Variants in SORBS2 observed in about 807,000 individuals in gnomAD.
SORBS2 encodes the protein sorbin and SH3 domain-containing protein 2.
Under a neutral mutation model 97.7 loss-of-function variants are expected in SORBS2, and 46 were observed. The observed-to-expected ratio is 0.47, with a 90% CI of 0.37 to 0.60. The LOEUF (loss-of-function observed/expected upper bound fraction) is 0.60. Among genes scored for constraint, SORBS2 ranks in the 20% least tolerant of loss-of-function variants. SORBS2 has a pLI of 0.00. For synonymous variants in SORBS2, 476 were observed against 473.4 expected, an observed-to-expected ratio of 1.01 and a Z score of -0.07; for missense variants, 1,316 against 1,282.3, an observed-to-expected ratio of 1.03 and a Z score of -0.40.
intron 4 of SORBS2, among the ~76,000 whole-genome samples, chr4:185,644,557 C>T (rs988920961): frequency 6.6e-6 from 1 of 152,170 alleles, no homozygotes; most frequent in Non-Finnish European, 1.5e-5. Context: ...TATGCCTGGG[C>T]TCAACTCCTA....
At chr4:185,760,710 CAAATACGA>C (rs942883047) in intron 2 of SORBS2, among the ~76,000 whole-genome samples, 1 of 152,250 alleles carries the variant, frequency 6.6e-6, no homozygotes, top group Non-Finnish European at 1.5e-5. Flanking sequence ...CTGCCTTTCA[CAAATACGA>C]GTTCATGAAC....
intron 2 of SORBS2, among the ~76,000 whole-genome samples, chr4:185,765,453 G>A (rs1198771160): frequency 1.3e-5 from 2 of 152,102 alleles, no homozygotes; most frequent in Non-Finnish European, 2.9e-5. Context: ...GGACACAAAT[G>A]ATTTTTAACA....
exon 10 of SORBS2, chr4:185,615,073 A>T: frequency 3.7e-6 from 6 of 1,613,616 alleles, no homozygotes; most frequent in Non-Finnish European, 4.2e-6. Context: ...GAAGATGCCC[A>T]CTCTCCCGTG....
intron 2 of SORBS2, among the ~76,000 whole-genome samples, chr4:185,758,811 C>T (rs1458183294): frequency 1.3e-5 from 2 of 152,234 alleles, no homozygotes; most frequent in East Asian, 3.8e-4. Flanking sequence ...GAGGCAGTGC[C>T]TTCTGCCCCC....
chr4:185,930,774 A>T (rs2099266036), intron 1 of SORBS2, among the ~76,000 whole-genome samples: 1 of 152,232 alleles, frequency 6.6e-6, no homozygotes, highest in Non-Finnish European at 1.5e-5. Context: ...CATAGTTTCT[A>T]TATTCTTCTT....
intron 1 of SORBS2, among the ~76,000 whole-genome samples, chr4:185,780,171 A>G (rs10866280): frequency 0.77 from 117,541 of 151,688 alleles, 45,704 homozygotes; most frequent in East Asian, 0.95. Flanking sequence ...ATGCATCACC[A>G]CACCCGGTTA....
intron 12 of SORBS2, among the ~76,000 whole-genome samples, chr4:185,601,022 C>G (rs1021429885): frequency 3.9e-5 from 6 of 152,074 alleles, no homozygotes; most frequent in African/African-American, 1.4e-4. Context: ...AGTGTACTGC[C>G]TGGTATTTGA....
At chr4:185,845,134 C>G (rs550128417) in intron 1 of SORBS2, among the ~76,000 whole-genome samples, 28 of 151,786 alleles carry the variant, frequency 1.8e-4, no homozygotes, top group African/African-American at 6.8e-4. Flanking sequence ...CACCTCAGCC[C>G]CCCTAGTACC....
chr4:185,908,352 C>CACAA (rs2099252816), intron 1 of SORBS2, among the ~76,000 whole-genome samples: 10 of 103,274 alleles, frequency 9.7e-5, no homozygotes, highest in African/African-American at 4.6e-4. Context: ...TATATATACA[C>CACAA]ATATATATAC....
intron 2 of SORBS2, among the ~76,000 whole-genome samples, chr4:185,692,219 C>T (rs942896249): frequency 6.6e-6 from 1 of 152,210 alleles, no homozygotes; most frequent in Non-Finnish European, 1.5e-5. Context: ...GGCCTTTGCT[C>T]CTGAGTGGGC....
chr4:185,803,957 C>G (rs2099142326), intron 1 of SORBS2, among the ~76,000 whole-genome samples: 1 of 152,094 alleles, frequency 6.6e-6, no homozygotes, highest in African/African-American at 2.4e-5. Context: ...TCAGACATAA[C>G]TCATATGTAG....
At chr4:185,938,360 A>T (rs2099270061) in intron 1 of SORBS2, among the ~76,000 whole-genome samples, 1 of 149,272 alleles carries the variant, frequency 6.7e-6, no homozygotes, top group Non-Finnish European at 1.5e-5. Flanking sequence ...GGAACCTAGG[A>T]TCCTCTCACC....
At chr4:185,656,755 C>A in exon 1 of SORBS2, 2 of 1,524,286 alleles carry the variant, frequency 1.3e-6, no homozygotes, top group East Asian at 2.5e-5. Context: ...CTGCGTTTTG[C>A]CGGAAGGGGC....
chr4:185,614,106 T>G (rs965697557), intron 11 of SORBS2, among the ~76,000 whole-genome samples: 2 of 151,942 alleles, frequency 1.3e-5, no homozygotes, highest in Non-Finnish European at 2.9e-5. Flanking sequence ...TCATTTATCA[T>G]TCTCAATTAT....
At chr4:185,612,485 A>G (rs115405292) in intron 11 of SORBS2, among the ~76,000 whole-genome samples, 1 of 142,344 alleles carries the variant, frequency 7.0e-6, no homozygotes, top group Non-Finnish European at 1.5e-5. Flanking sequence ...TTCTTTTTTT[A>G]TTTCTATTTT....
intron 4 of SORBS2, chr4:185,645,446 T>C (rs2097192642): frequency 6.6e-6 from 1 of 152,168 alleles, no homozygotes. Flanking sequence ...CTCTAAAAGA[T>C]ATGAGTTATT....
At chr4:185,878,469 T>C (rs2149766734) in intron 1 of SORBS2, among the ~76,000 whole-genome samples, 1 of 152,300 alleles carries the variant, frequency 6.6e-6, no homozygotes, top group Admixed American at 6.5e-5. Context: ...TACCAATTTA[T>C]TGAGTCAGAA....
At position 185,736,600 on chromosome 4, in the gene SORBS2, C is replaced by T. The variant is rs139010738; in HGVS notation, c.-198+38627G>A. On this transcript the variant is annotated intron_variant, in intron 2 of 20. Coordinates refer to the SORBS2 transcript ENST00000284776. ...TCCTAAATGAAACCAGTGCCTGCTT[C>T]GTTACAGGCACAAGGTATGTACTGT... Among the ~76,000 whole-genome samples, 410 of 152,324 alleles carry T rather than the reference C, an allele frequency of 2.7e-3. 4 individuals are homozygous for T. Among genetic ancestry groups the T allele is most frequent in the African/African-American group, 8.9e-3 (372 of 41,570 alleles).
rs951643083 is a variant in SORBS2, at chr4:185,671,038, C to T, written c.-46+7385G>A. On this transcript the variant is annotated intron_variant, in intron 4 of 20. Transcript: ENST00000284776. ...ACTAAGAGACAGACAGGGAACTATG[C>T]AGTTCCTACGACTGAGAAGGATGGA... Among the ~76,000 whole-genome samples, 4 of 152,310 alleles carry T rather than the reference C, an allele frequency of 2.6e-5. No individual in the cohort carries two copies. The East Asian group carries it at 5.8e-4, about 22-fold the overall frequency.
Sources: gnomAD v4.1 joint callset for allele counts (sites outside exome capture counted in the v4.1 genomes callset) on GRCh38, gnomAD v4.1.1 for gene constraint, MANE v1.5 for transcripts, NCBI Gene and HGNC (gene_info 2026-07-23, HGNC 2026-07-21) for gene names.